The following TMEM252 variants were observed in gnomAD, a reference collection of about 807,000 sequenced individuals.
TMEM252 encodes transmembrane protein C9orf71.
A neutral mutation model predicts 6.4 loss-of-function variants in TMEM252; 4 were observed. The observed-to-expected ratio is 0.62, with a 90% CI of 0.31 to 1.43. The LOEUF (loss-of-function observed/expected upper bound fraction) is 1.43. Ranked by LOEUF, TMEM252 falls within the 40% of genes most tolerant of loss-of-function variation. TMEM252 has a pLI of 0.07. For missense variants in TMEM252, 207 were observed against 209.4 expected (o/e 0.99, Z 0.07); for synonymous variants, 85 against 82.5 (o/e 1.03, Z -0.17).
In TMEM252 at chr9:68,537,499, G is replaced by C. The variant is rs773913388; in HGVS notation, c.279-6C>G. 1 of 1,595,634 alleles carries C rather than the reference G, an allele frequency of 6.3e-7. No homozygotes were observed. The highest frequency in any genetic ancestry group is 8.5e-7 in the Non-Finnish European group (1 of 1,173,948). On this transcript the variant is annotated splice_polypyrimidine_tract_variant and splice_region_variant and intron_variant, in intron 1 of 1. Coordinates refer to ENST00000377311, the MANE Select transcript of TMEM252 (RefSeq NM_153237.2). ...CTGGAGGGTAAAAGTCTGGCCTAGG[G>C]GACAAAACAGCATAAACATGCGTGC...
Position 68,540,541 on chromosome 9 carries a change from C to T in TMEM252, c.274G>A (p.Asp92Asn). 6.2e-7 allele frequency: 1 copy of T among 1,613,992 alleles called. No individual in the cohort carries two copies. Among genetic ancestry groups the T allele is most frequent in the Non-Finnish European group, 8.5e-7 (1 of 1,179,938 alleles). Residue 92 changes from aspartate to asparagine, a missense_variant, in exon 1 of 2, where the codon GAC (aspartate) becomes AAC (asparagine). Asp to Asn is a conservative substitution (Grantham distance 23, BLOSUM62 1). Transcript: ENST00000377311. ...CCTCTGCCTGTCAGCACGTACCTGT[C>T]TACTGTGGCCACGGGCAGGGCCCCA... is the stretch of plus-strand genomic sequence containing the variant. ...AHGALPVATV[D>N]RPDFYPPAYE...
rs373105492 is a variant in TMEM252 at position 68,537,286 on chromosome 9, G to A, written c.486C>T (p.Asp162=). 5.1e-5 allele frequency: 82 copies of A among 1,601,488 alleles called. No individual in the cohort carries two copies. The highest frequency in any genetic ancestry group is 1.5e-4 in the African/African-American group (11 of 74,006). ...AGCACTCTTGGCCTCGCCTCTGGGC[G>A]TCCTCTGAGATTGCTGTCACCACCA... The part of the protein sequence containing the change: ...AGLVVTAISE[D]AQRRGQEC The change falls in exon 2 of 2, where the codon GAC becomes GAT. Residue 162 remains aspartate (D), a synonymous_variant. Transcript: ENST00000377311.
intron 1 of TMEM252, 85 bp downstream of exon 1, chr9:68,540,452 C>A: frequency 6.4e-7 from 1 of 1,567,790 alleles, no homozygotes; most frequent in South Asian, 1.2e-5. Flanking sequence ...GTAAGTCGCT[C>A]CATAGTAGGA....
rs151152199 is a variant in TMEM252 at position 68,536,755 on chromosome 9, T to C, written c.*504A>G. The C allele has an allele frequency of 6.5e-6, 1 of 154,004 alleles. No homozygotes were observed. Among genetic ancestry groups the C allele is most frequent in the African/African-American group, 2.4e-5 (1 of 41,600 alleles). The allele number at this position is 154,004 out of a possible 1,614,324, so 9.5% of individuals were successfully genotyped here. A position where few individuals can be genotyped will look rare whatever the true frequency, so the allele number is the denominator to read the frequency against. On this transcript the variant is annotated 3_prime_UTR_variant, in exon 2 of 2. Transcript: ENST00000377311. ...GATGTGAAGTACTGCCTCACTCTGG[T>C]AGTATGGTCAGCTGGAGGTAACTAG...
At position 68,540,848 on chromosome 9, in the gene TMEM252, G is replaced by A. The variant is rs1237968167; in HGVS notation, c.-34C>T. The A allele has an allele frequency of 1.1e-5, 17 of 1,593,784 alleles. No individual in the cohort carries two copies. The highest frequency in any genetic ancestry group is 1.5e-5 in the Non-Finnish European group (17 of 1,165,658). Reference sequence around the variant, plus strand: ...CTTAGGAACCCAGCACCCTGACCCTGCTGCTCCTCTGCTTCCCTGCTTGCT... The same window carrying A: ...CTTAGGAACCCAGCACCCTGACCCTACTGCTCCTCTGCTTCCCTGCTTGCT... On this transcript the variant is annotated 5_prime_UTR_variant, in exon 1 of 2. Coordinates refer to ENST00000377311, the MANE Select transcript of TMEM252 (RefSeq NM_153237.2).
At chr9:68,539,056 T>G (rs977238415) in intron 1 of TMEM252, among the ~76,000 whole-genome samples, 2 of 152,206 alleles carry the variant, frequency 1.3e-5, no homozygotes, top group Admixed American at 1.3e-4. Flanking sequence ...GTTTTCATAA[T>G]TATTATCTTA....
In TMEM252 at chr9:68,540,522, C is replaced by G; in HGVS notation, c.278+15G>C. ...ATCTCAGCCCTTCTTGGTCCCTCTG[C>G]CTGTCAGCACGTACCTGTCTACTGT... On this transcript the variant is annotated intron_variant, in intron 1 of 1. Coordinates refer to ENST00000377311, the MANE Select transcript of TMEM252 (RefSeq NM_153237.2). The G allele has an allele frequency of 6.2e-6, 10 of 1,611,548 alleles. No individual in the cohort carries two copies. Among genetic ancestry groups the G allele is most frequent in the African/African-American group, 2.7e-5 (2 of 74,990 alleles).
At chr9:68,537,584 G>A (rs1362609971) in intron 1 of TMEM252, 91 bp from the exon 2 acceptor site, 12 of 957,480 alleles carry the variant, frequency 1.3e-5, no homozygotes, top group African/African-American at 5.1e-5. Context: ...CAAATTGTGC[G>A]AAGCTAAACT....
chr9:68,537,082 C>G lies in TMEM252; in HGVS notation c.*177G>C. The G allele has an allele frequency of 1.7e-6, 1 of 581,654 alleles. No individual in the cohort carries two copies. Among genetic ancestry groups the G allele is most frequent in the Non-Finnish European group, 2.9e-6 (1 of 341,634 alleles). 36.0% of individuals were successfully genotyped at this position (581,654 alleles called of 1,614,324 possible). ...GCCACACCCTTCCAGGGCCCCTGGC[C>G]TGCCCTGCCCTGGCATGGCCAGTTA... On this transcript the variant is annotated 3_prime_UTR_variant, in exon 2 of 2. Transcript: ENST00000377311.
chr9:68,537,327 CT>C lies in TMEM252; in HGVS notation c.444del (p.Glu149SerfsTer3). On this transcript the variant is annotated frameshift_variant, in exon 2 of 2. Transcript: ENST00000377311. LOFTEE classifies it low-confidence loss of function (END_TRUNC). ...DSHPEAPPSY[R>X]ESIAGLVVTA... Reference sequence around the variant, plus strand: ...GTCACCACCAGGCCGGCTATGGACTCTCTATAAGATGGTGGGGCCTCTGGGT... The same window carrying C: ...GTCACCACCAGGCCGGCTATGGACTCCTATAAGATGGTGGGGCCTCTGGGT... 2 of 1,605,136 alleles carry C rather than the reference CT, an allele frequency of 1.2e-6. No individual in the cohort carries two copies. Among genetic ancestry groups the C allele is most frequent in the Non-Finnish European group, 1.7e-6 (2 of 1,177,474 alleles).
At position 68,536,829 on chromosome 9, in the gene TMEM252, C is replaced by G. The variant is rs932074448; in HGVS notation, c.*430G>C. On this transcript the variant is annotated 3_prime_UTR_variant, in exon 2 of 2. Transcript: ENST00000377311. ...GCTGAACAATCAATAAATTAAACAA[C>G]AAACCTTCGCTTTGAGATTACTAGG... is the stretch of plus-strand genomic sequence containing the variant. 6.2e-6 allele frequency: 1 copy of G among 161,010 alleles called. No homozygotes were observed. Among genetic ancestry groups the G allele is most frequent in the Non-Finnish European group, 1.3e-5 (1 of 74,382 alleles). The allele number at this position is 161,010 out of a possible 1,614,324, so 10.0% of individuals were successfully genotyped here.
In TMEM252 at chr9:68,537,443, T is replaced by G. The variant is rs200716504; in HGVS notation, c.329A>C (p.Gln110Pro). Residue 110 changes from glutamine (Q) to proline (P), a missense_variant, in exon 2 of 2, where the codon CAG (glutamine) becomes CCG (proline). Transcript: ENST00000377311. ...GGCCTCTCTCTCTGCAGGACAGCTC[T>G]GCTTTTCCACCTCAAGGCTCTCTTC... ...AYEESLEVEK[Q>P]SCPAEREASG... 1.6e-4 allele frequency: 261 copies of G among 1,604,538 alleles called. No homozygotes were observed. Among genetic ancestry groups the G allele is most frequent in the Middle Eastern group, 1.0e-3 (6 of 6,020 alleles).
rs781567210 is a variant in TMEM252, at chr9:68,537,461, C to T, written c.311G>A (p.Ser104Asn). Residue 104 changes from serine (S) to asparagine (N), a missense_variant, in exon 2 of 2, where the codon AGC becomes AAC. Transcript: ENST00000377311. ...PDFYPPAYEESLEVEKQSCPA... is the reference protein window; with the variant it reads ...PDFYPPAYEENLEVEKQSCPA... Reference sequence around the variant, plus strand: ...ACAGCTCTGCTTTTCCACCTCAAGGCTCTCTTCATAAGCTGGAGGGTAAAA... The same window carrying T: ...ACAGCTCTGCTTTTCCACCTCAAGGTTCTCTTCATAAGCTGGAGGGTAAAA... 1.7e-5 allele frequency: 27 copies of T among 1,602,682 alleles called. No homozygotes were observed. The highest frequency in any genetic ancestry group is 2.1e-5 in the Non-Finnish European group (25 of 1,177,100).
intron 1 of TMEM252, 150 bp downstream of exon 1, chr9:68,540,385 CCA>C: frequency 1.7e-6 from 2 of 1,157,100 alleles, no homozygotes; most frequent in South Asian, 1.6e-5. Context: ...AATAACAACC[CCA>C]GAGTAATTCC....
At position 68,536,704 on chromosome 9, in the gene TMEM252, A is replaced by G. The variant is rs974173586; in HGVS notation, c.*555T>C. 6.6e-6 allele frequency: 1 copy of G among 152,280 alleles called. No homozygotes were observed. Among genetic ancestry groups the G allele is most frequent in the Non-Finnish European group, 1.5e-5 (1 of 68,072 alleles). 9.4% of individuals were successfully genotyped at this position (152,280 alleles called of 1,614,324 possible). ...AATAAAATAATACAAAATAACATTC[A>G]TGGGTTCCGAGGGCATATCTCCCAG... On this transcript the variant is annotated 3_prime_UTR_variant, in exon 2 of 2. Coordinates refer to ENST00000377311, the MANE Select transcript of TMEM252 (RefSeq NM_153237.2).
Position 68,540,699 on chromosome 9 carries a change from C to A in TMEM252, c.116G>T (p.Ser39Ile), listed in dbSNP as rs2132129742. The change falls in exon 1 of 2, where the codon AGC becomes ATC. Residue 39 changes from serine to isoleucine, a missense_variant. Coordinates refer to ENST00000377311, the MANE Select transcript of TMEM252 (RefSeq NM_153237.2). Reference protein sequence around the residue: ...SWGSIFDCQGSLIAAYLLLPL... With the variant: ...SWGSIFDCQGILIAAYLLLPL... ...CAGAAGCAAATAGGCCGCAATCAGG[C>A]TCCCCTGACAGTCGAATATGGAGCC... 4.3e-6 allele frequency: 7 copies of A among 1,614,148 alleles called. No individual in the cohort carries two copies. Among genetic ancestry groups the A allele is most frequent in the South Asian group, 1.1e-5 (1 of 91,086 alleles).
chr9:68,539,037 T>C (rs1265680616), intron 1 of TMEM252, among the ~76,000 whole-genome samples: 1 of 152,206 alleles, frequency 6.6e-6, no homozygotes, highest in Admixed American at 6.5e-5. Flanking sequence ...ACATTGGAAA[T>C]AAGTTTTGGT....
Position 68,537,158 on chromosome 9 carries a change from C to A in TMEM252, c.*101G>T, listed in dbSNP as rs41305537. The A allele has an allele frequency of 0.084, 86,047 of 1,028,470 alleles. 3,894 individuals carry two copies. Among genetic ancestry groups the A allele is most frequent in the Middle Eastern group, 0.1 (339 of 3,364 alleles). 63.7% of individuals were successfully genotyped at this position (1,028,470 alleles called of 1,614,324 possible). Reference sequence around the variant, plus strand: ...CCTCCCCAAGCTCTCTTGTGGGGTCCCTGGTGTGGCTTTTCCTCCCACAGT... The same window carrying A: ...CCTCCCCAAGCTCTCTTGTGGGGTCACTGGTGTGGCTTTTCCTCCCACAGT... On this transcript the variant is annotated 3_prime_UTR_variant, in exon 2 of 2. Coordinates refer to ENST00000377311, the MANE Select transcript of TMEM252 (RefSeq NM_153237.2).
intron 1 of TMEM252, 45 bp from the exon 2 acceptor site, chr9:68,537,538 T>C (rs761552061): frequency 6.7e-7 from 1 of 1,502,692 alleles, no homozygotes; most frequent in East Asian, 2.4e-5. Flanking sequence ...ATTTAGGCAT[T>C]AATGCCAAAG....
Sources: allele counts gnomAD v4.1 joint callset (sites outside exome capture counted in the v4.1 genomes callset), GRCh38; gene constraint gnomAD v4.1.1; transcripts MANE v1.5; gene names NCBI Gene and HGNC (gene_info 2026-07-23, HGNC 2026-07-21).